Variants in CA10 observed in about 807,000 individuals in gnomAD.
CA10 encodes the protein carbonic anhydrase 10 (inactive).
Under a neutral mutation model 44.2 loss-of-function variants are expected in CA10, and 14 were observed. That is an observed-to-expected ratio of 0.32 (90% CI 0.21 to 0.50). The LOEUF (loss-of-function observed/expected upper bound fraction) is 0.50. Ranked by LOEUF, CA10 falls within the 20% of genes least tolerant of loss-of-function variation. The pLI is 0.99. For missense variants in CA10, 350 were observed against 409.7 expected (o/e 0.85, Z 1.26); for synonymous variants, 159 against 141.6 (o/e 1.12, Z -0.87).
At chr17:51,701,617 T>C (rs941366545) in intron 4 of CA10, among the ~76,000 whole-genome samples, 1 of 152,178 alleles carries the variant, frequency 6.6e-6, no homozygotes, top group African/African-American at 2.4e-5. Flanking sequence ...AAGTTCTTAA[T>C]CCTTTTAAAT....
chr17:51,899,498 T>G (rs1478030176), intron 3 of CA10, among the ~76,000 whole-genome samples: 1 of 151,752 alleles, frequency 6.6e-6, no homozygotes, highest in African/African-American at 2.4e-5. Context: ...GAGTGCCATG[T>G]GTAGATGAGA....
chr17:51,697,512 T>C (rs535084951), intron 4 of CA10, among the ~76,000 whole-genome samples: 1 of 152,324 alleles, frequency 6.6e-6, no homozygotes, highest in African/African-American at 2.4e-5. Context: ...TCTGATTAGT[T>C]CTGTATCCTC....
At position 51,994,262 on chromosome 17, in the gene CA10, T is replaced by C. The variant is rs62762263; in HGVS notation, c.137-63130A>G. 2.8e-5 allele frequency among the ~76,000 whole-genome samples: 4 copies of C among 144,068 alleles called. No individual in the cohort carries two copies. In the South Asian group the frequency reaches 8.6e-4, roughly 31 times the overall value. 94.5% of individuals were successfully genotyped at this position (144,068 alleles called of 152,430 possible). A position where few individuals can be genotyped will look rare whatever the true frequency, so the allele number is the denominator to read the frequency against. Reference sequence around the variant, plus strand: ...TTGATACATAATCCAAGAGTTTTTTTCCCCCTATGACTTGGATTATTTGTT... The same window carrying C: ...TTGATACATAATCCAAGAGTTTTTTCCCCCCTATGACTTGGATTATTTGTT... On this transcript the variant is annotated intron_variant, in intron 2 of 8. Transcript: ENST00000451037.
chr17:51,916,557 G>A (rs547174547), intron 3 of CA10, among the ~76,000 whole-genome samples: 2 of 152,252 alleles, frequency 1.3e-5, no homozygotes, highest in East Asian at 3.9e-4. Context: ...AAATTCTCTT[G>A]TCTGCTGCCG....
At chr17:51,846,028 T>C (rs1397949936) in intron 3 of CA10, among the ~76,000 whole-genome samples, 1 of 152,174 alleles carries the variant, frequency 6.6e-6, no homozygotes, top group Non-Finnish European at 1.5e-5. Context: ...GAGAGCCCAG[T>C]GAGGGCAGCT....
At chr17:51,675,386 C>T (rs969709850) in intron 4 of CA10, among the ~76,000 whole-genome samples, 4 of 152,008 alleles carry the variant, frequency 2.6e-5, no homozygotes, top group Non-Finnish European at 5.9e-5. Flanking sequence ...ATGGCAAAAC[C>T]CCATCTCTAC....
At chr17:51,875,002 A>T (rs1190006619) in intron 3 of CA10, among the ~76,000 whole-genome samples, 8 of 104,142 alleles carry the variant, frequency 7.7e-5, no homozygotes, top group African/African-American at 1.7e-4. Flanking sequence ...TTCTTTTCTT[A>T]GGGTCTTTCT....
chr17:51,714,949 T>C (rs1188079474), intron 4 of CA10, among the ~76,000 whole-genome samples: 1 of 152,236 alleles, frequency 6.6e-6, no homozygotes, highest in Non-Finnish European at 1.5e-5. Flanking sequence ...ATCAGTACTT[T>C]ATAAGAATTC....
chr17:51,766,550 G>C (rs1905390898), intron 3 of CA10, among the ~76,000 whole-genome samples: 1 of 152,172 alleles, frequency 6.6e-6, no homozygotes, highest in South Asian at 2.1e-4. Flanking sequence ...TCTCTGAGCT[G>C]TGGTTTCCTT....
At chr17:51,898,354 T>G (rs1008303566) in intron 3 of CA10, among the ~76,000 whole-genome samples, 1 of 152,164 alleles carries the variant, frequency 6.6e-6, no homozygotes, top group Non-Finnish European at 1.5e-5. Flanking sequence ...AAATAACATT[T>G]ATTGATTTGC....
chr17:51,739,429 T>C (rs975669336), intron 4 of CA10, among the ~76,000 whole-genome samples: 1 of 152,108 alleles, frequency 6.6e-6, no homozygotes, highest in Non-Finnish European at 1.5e-5. Flanking sequence ...TTGTCTTTTG[T>C]AATGTAACAC....
chr17:51,940,664 C>G (rs1040033734), intron 2 of CA10, among the ~76,000 whole-genome samples: 1 of 142,024 alleles, frequency 7.0e-6, no homozygotes, highest in African/African-American at 2.6e-5. Context: ...GTCAAACTAA[C>G]TTGTTCAAGA....
In CA10 at chr17:51,859,147, T is replaced by G. The variant is rs80098156; in HGVS notation, c.279+71843A>C. On this transcript the variant is annotated intron_variant, in intron 3 of 8. Coordinates refer to ENST00000451037, the MANE Select transcript of CA10 (RefSeq NM_020178.5). ...TTAGTTAATTGTTGGGGTGATATCTTTTTCTCTTCTACATCAGGGCAGAGT... is the reference window on the plus strand; with the variant it reads ...TTAGTTAATTGTTGGGGTGATATCTGTTTCTCTTCTACATCAGGGCAGAGT... Among the ~76,000 whole-genome samples, 1,383 of 152,226 alleles carry G rather than the reference T, an allele frequency of 9.1e-3. 13 individuals carry two copies. Among genetic ancestry groups the G allele is most frequent in the African/African-American group, 0.031 (1,305 of 41,540 alleles).
At chr17:52,100,990 C>G (rs1014530661) in intron 1 of CA10, among the ~76,000 whole-genome samples, 6 of 152,178 alleles carry the variant, frequency 3.9e-5, no homozygotes, top group African/African-American at 1.4e-4. Flanking sequence ...ATCCTTTGCC[C>G]AGATAAGGCT....
chr17:52,142,321 C>A (rs1224783937), intron 1 of CA10, among the ~76,000 whole-genome samples: 1 of 152,168 alleles, frequency 6.6e-6, no homozygotes, highest in Non-Finnish European at 1.5e-5. Flanking sequence ...CCCTACAAAG[C>A]AGCTAACTCA....
At chr17:51,965,455 C>T (rs536028014) in intron 2 of CA10, among the ~76,000 whole-genome samples, 1 of 151,752 alleles carries the variant, frequency 6.6e-6, no homozygotes, top group African/African-American at 2.4e-5. Flanking sequence ...CACAAAAATC[C>T]TTAACAAAAT....
In CA10 at chr17:51,838,161, C is replaced by T. The variant is rs7222418; in HGVS notation, c.280-90343G>A. Among the ~76,000 whole-genome samples the T allele has an allele frequency of 4.2e-3, 644 of 152,240 alleles. 2 individuals carry two copies. Among genetic ancestry groups the T allele is most frequent in the African/African-American group, 0.015 (606 of 41,530 alleles). On this transcript the variant is annotated intron_variant, in intron 3 of 8. Coordinates refer to ENST00000451037, the MANE Select transcript of CA10 (RefSeq NM_020178.5). The stretch of plus-strand genomic sequence containing the variant: ...CATTAACAGATTTAAAAAATCTAAG[C>T]CCCAGGGAGATAGCTGATTTACCTC...
chr17:51,768,561 G>T lies in CA10; in HGVS notation c.280-20743C>A, dbSNP rs985826876. ...AGAGTTGCTGGCTGGTACTTTTTCT[G>T]CAATGAGGATGTCATCTGCTTACAT... is the stretch of plus-strand genomic sequence containing the variant. On this transcript the variant is annotated intron_variant, in intron 3 of 8. Transcript: ENST00000451037. 4.7e-4 allele frequency among the ~76,000 whole-genome samples: 72 copies of T among 152,114 alleles called. 1 individual carries two copies. The highest frequency in any genetic ancestry group is 1.7e-3 in the African/African-American group (69 of 41,408).
chr17:52,057,421 T>C (rs1351962811), intron 2 of CA10, among the ~76,000 whole-genome samples: 1 of 149,444 alleles, frequency 6.7e-6, no homozygotes, highest in Non-Finnish European at 1.5e-5. Context: ...CTTTTCCTTA[T>C]GACTTTCTTA....
Sources: allele counts gnomAD v4.1 joint callset (sites outside exome capture counted in the v4.1 genomes callset), GRCh38; gene constraint gnomAD v4.1.1; transcripts MANE v1.5; gene names NCBI Gene and HGNC (gene_info 2026-07-23, HGNC 2026-07-21).